QKI: variants seen among roughly 807,000 people sequenced by gnomAD.
QKI encodes the protein KH domain-containing RNA-binding protein QKI.
QKI carries 10 observed loss-of-function variants against 39.0 expected under a neutral mutation model. The ratio of observed to expected loss-of-function variants is 0.26; its 90% confidence interval spans 0.16 to 0.43. QKI has a LOEUF of 0.43. Ranked by LOEUF, QKI falls within the 20% of genes least tolerant of loss-of-function variation. The pLI, the probability that QKI is intolerant of heterozygous loss-of-function variation, is 1.00. For synonymous variants in QKI, 204 were observed against 155.4 expected, an observed-to-expected ratio of 1.31 and a Z score of -2.33; for missense variants, 218 against 428.0, an observed-to-expected ratio of 0.51 and a Z score of 4.33.
chr6:163,534,322 T>C (rs901663082), intron 3 of QKI, among the ~76,000 whole-genome samples: 3 of 152,200 alleles, frequency 2.0e-5, no homozygotes, highest in Non-Finnish European at 4.4e-5. Flanking sequence ...TATGGTCTGA[T>C]GGGAATGTAG....
At chr6:163,514,077 A>C (rs1189929969) in intron 3 of QKI, among the ~76,000 whole-genome samples, 1 of 152,104 alleles carries the variant, frequency 6.6e-6, no homozygotes, top group Non-Finnish European at 1.5e-5. Context: ...GCCAGAGGAG[A>C]TAGATAACCC....
In QKI at chr6:163,464,278, AT is replaced by A. The variant is rs146851251; in HGVS notation, c.285+8869del. 3.4e-3 allele frequency among the ~76,000 whole-genome samples: 495 copies of A among 146,778 alleles called. 4 individuals are homozygous for A. The highest frequency in any genetic ancestry group is 9.1e-3 in the African/African-American group (369 of 40,380). On this transcript the variant is annotated intron_variant, in intron 2 of 7. Transcript: ENST00000361752. ...ATTCTCGCAGTAAAAATTTCCTGGG[AT>A]TTTTTTTTTTTAATGGGTGGGAAAC... is the stretch of plus-strand genomic sequence containing the variant.
At chr6:163,544,086 G>A (rs1405791432) in intron 4 of QKI, among the ~76,000 whole-genome samples, 3 of 151,884 alleles carry the variant, frequency 2.0e-5, no homozygotes, top group Non-Finnish European at 2.9e-5. Flanking sequence ...GATTATTCAG[G>A]TTGCACGTAA....
intron 2 of QKI, among the ~76,000 whole-genome samples, chr6:163,469,199 G>A (rs1277745949): frequency 6.6e-6 from 1 of 152,104 alleles, no homozygotes; most frequent in African/African-American, 2.4e-5. Context: ...CCTTTTCTAT[G>A]TAATCTTGAT....
chr6:163,503,578 C>T (rs1265966868), intron 3 of QKI, among the ~76,000 whole-genome samples: 2 of 151,954 alleles, frequency 1.3e-5, no homozygotes, highest in Non-Finnish European at 2.9e-5. Flanking sequence ...TTAATTAAGT[C>T]CCACTTGTCA....
chr6:163,489,424 C>CTGTGTGTGTGTGTG (rs66826538), intron 3 of QKI, among the ~76,000 whole-genome samples: 2 of 148,942 alleles, frequency 1.3e-5, no homozygotes, highest in Admixed American at 6.7e-5. Context: ...AGAAGTTATG[C>CTGTGTGTGTGTGTG]TGTGTGTGTG....
chr6:163,566,262 G>A (rs1583232714), intron 6 of QKI: 1 of 1,243,310 alleles, frequency 8.0e-7, no homozygotes, highest in Non-Finnish European at 1.0e-6. Flanking sequence ...TTGACTCAGA[G>A]TTTAAAACCA....
intron 6 of QKI, chr6:163,565,674 A>G: frequency 9.0e-7 from 1 of 1,110,082 alleles, no homozygotes; most frequent in Non-Finnish European, 1.1e-6. Context: ...ATTATGGTTA[A>G]TTTCATTTCT....
intron 4 of QKI, among the ~76,000 whole-genome samples, chr6:163,550,594 A>G (rs1293060540): frequency 2.0e-5 from 3 of 151,988 alleles, no homozygotes; most frequent in African/African-American, 4.8e-5. Context: ...TTTTTTCACC[A>G]CTAACAAACT....
intron 1 of QKI, among the ~76,000 whole-genome samples, chr6:163,419,816 A>T (rs985648567): frequency 6.6e-6 from 1 of 152,210 alleles, no homozygotes; most frequent in African/African-American, 2.4e-5. Flanking sequence ...TGCTAGTCAC[A>T]TTTACGAGTG....
At chr6:163,514,785 A>C (rs1052094016) in intron 3 of QKI, among the ~76,000 whole-genome samples, 2 of 152,214 alleles carry the variant, frequency 1.3e-5, no homozygotes, top group African/African-American at 4.8e-5. Flanking sequence ...AAAAATGAAG[A>C]GCAAAAAACT....
chr6:163,517,435 GAC>G lies in QKI; in HGVS notation c.403-17543_403-17542del, dbSNP rs980529276. On this transcript the variant is annotated intron_variant, in intron 3 of 7. Transcript: ENST00000361752. ...GTTTTTTGTTTTGGTTTTGGTTTTT[GAC>G]ACAGTCTCTAGCTCTTTTGGCTCAG... Among the ~76,000 whole-genome samples, 7 of 147,364 alleles carry G rather than the reference GAC, an allele frequency of 4.8e-5. No homozygotes were observed. In the East Asian group the frequency reaches 1.4e-3, roughly 29 times the overall value.
intron 1 of QKI, among the ~76,000 whole-genome samples, chr6:163,421,749 T>G (rs573532519): frequency 6.6e-6 from 1 of 151,898 alleles, no homozygotes; most frequent in South Asian, 2.1e-4. Flanking sequence ...ATTTCTTTTT[T>G]CTTTTTTTTT....
At chr6:163,419,182 AAT>A (rs1341296765) in intron 1 of QKI, among the ~76,000 whole-genome samples, 2 of 152,198 alleles carry the variant, frequency 1.3e-5, no homozygotes, top group East Asian at 1.9e-4. Context: ...CTCTCCTTTA[AAT>A]ATATGAGTAA....
At chr6:163,437,368 C>T (rs1266690601) in intron 1 of QKI, among the ~76,000 whole-genome samples, 1 of 152,052 alleles carries the variant, frequency 6.6e-6, no homozygotes, top group Non-Finnish European at 1.5e-5. Context: ...TTTAGTGTAT[C>T]GATTATCAAA....
At position 163,565,320 on chromosome 6, in the gene QKI, T is replaced by C. The variant is rs1475655851; in HGVS notation, c.935-1401T>C. 5 of 986,486 alleles carry C rather than the reference T, an allele frequency of 5.1e-6. No individual in the cohort carries two copies. In the South Asian group the frequency reaches 2.3e-4, roughly 46 times the overall value. 61.1% of individuals were successfully genotyped at this position (986,486 alleles called of 1,614,324 possible). ...CCCACAGCATCTGTTCCCGAGGAGTTATGACTCTTGACTTCCTGCAGGGCT... is the reference window on the plus strand; with the variant it reads ...CCCACAGCATCTGTTCCCGAGGAGTCATGACTCTTGACTTCCTGCAGGGCT... On this transcript the variant is annotated intron_variant, in intron 6 of 7. Transcript: ENST00000361752.
chr6:163,499,993 T>A (rs1778655221), intron 3 of QKI, among the ~76,000 whole-genome samples: 1 of 152,156 alleles, frequency 6.6e-6, no homozygotes, highest in South Asian at 2.1e-4. Flanking sequence ...AAGTTACATC[T>A]AAACAGAGAC....
At chr6:163,525,661 G>A (rs1056505721) in intron 3 of QKI, among the ~76,000 whole-genome samples, 12 of 152,128 alleles carry the variant, frequency 7.9e-5, no homozygotes, top group Admixed American at 3.9e-4. Context: ...CACCACGCCC[G>A]GCCATCTTGT....
rs1782591982 is a variant in QKI at position 163,556,172 on chromosome 6, T to C, written c.547-5810T>C. On this transcript the variant is annotated intron_variant, in intron 4 of 7. Coordinates refer to ENST00000361752, the MANE Select transcript of QKI (RefSeq NM_006775.3). ...TAGAAAAGTTGAACAATGTATAAAT[T>C]ACATTAAACGTGACCTGTTTGTATC... is the stretch of plus-strand genomic sequence containing the variant. Among the ~76,000 whole-genome samples the C allele has an allele frequency of 2.0e-5, 3 of 152,276 alleles. No individual in the cohort carries two copies. In the South Asian group the frequency reaches 6.2e-4, roughly 32 times the overall value.
Sources: gnomAD v4.1 joint callset for allele counts (sites outside exome capture counted in the v4.1 genomes callset) on GRCh38, gnomAD v4.1.1 for gene constraint, MANE v1.5 for transcripts, NCBI Gene and HGNC (gene_info 2026-07-23, HGNC 2026-07-21) for gene names.